Variants in HMG20A observed in about 807,000 individuals in gnomAD.
The protein encoded by HMG20A is high mobility group protein 20A.
A neutral mutation model predicts 43.9 loss-of-function variants in HMG20A; 17 were observed. That is an observed-to-expected ratio of 0.39 (90% CI 0.27 to 0.58). The LOEUF is 0.58. Among genes scored for constraint, HMG20A ranks in the 20% least tolerant of loss-of-function variants. The pLI, the probability that HMG20A is intolerant of heterozygous loss-of-function variation, is 0.59. For synonymous variants in HMG20A, 132 were observed against 147.5 expected (o/e 0.89, Z 0.76); for missense variants, 341 against 438.2 (o/e 0.78, Z 1.98).
intron 1 of HMG20A, among the ~76,000 whole-genome samples, chr15:77,432,630 G>A (rs1209902245): frequency 1.3e-5 from 2 of 150,106 alleles, no homozygotes; most frequent in African/African-American, 2.4e-5. Flanking sequence ...GCTGAGGCAG[G>A]AGAATCACTT....
chr15:77,516,891 C>G, the HMG20A span, among the ~76,000 whole-genome samples: 5 of 152,338 alleles, frequency 3.3e-5, no homozygotes, highest in South Asian at 1.0e-3. Context: ...GGCCAGGTGC[C>G]AGGCAGGGGC....
intron 6 of HMG20A, among the ~76,000 whole-genome samples, chr15:77,476,486 G>GAAAA (rs148901766): frequency 9.8e-5 from 8 of 81,426 alleles, no homozygotes; most frequent in Admixed American, 1.4e-4. Context: ...CTCCCTCTCA[G>GAAAA]AAAAAAAAAA....
At chr15:77,490,038 G>A (rs1246524239), downstream of HMG20A, among the ~76,000 whole-genome samples, 1 of 152,216 alleles carries the variant, frequency 6.6e-6, no homozygotes, top group Non-Finnish European at 1.5e-5. Context: ...CACTTTGAGA[G>A]GTGGGAGTGG....
intron 1 of HMG20A, among the ~76,000 whole-genome samples, chr15:77,439,879 G>A (rs1165304738): frequency 2.0e-5 from 3 of 151,994 alleles, no homozygotes; most frequent in African/African-American, 7.3e-5. Flanking sequence ...CTCCATCCTT[G>A]CTACCACTGT....
intron 1 of HMG20A, among the ~76,000 whole-genome samples, chr15:77,432,154 C>T (rs1383547980): frequency 6.6e-6 from 1 of 152,106 alleles, no homozygotes; most frequent in Admixed American, 6.6e-5. Context: ...TCAGAGAATG[C>T]AACCTTTAAG....
chr15:77,446,901 T>G (rs2073680848), intron 1 of HMG20A, among the ~76,000 whole-genome samples: 1 of 152,210 alleles, frequency 6.6e-6, no homozygotes, highest in African/African-American at 2.4e-5. Context: ...TTGGTTTTGT[T>G]TTTTGTTTTT....
At chr15:77,439,158 G>C (rs2073582984) in intron 1 of HMG20A, among the ~76,000 whole-genome samples, 1 of 152,212 alleles carries the variant, frequency 6.6e-6, no homozygotes, top group African/African-American at 2.4e-5. Context: ...AGTGGAAGTA[G>C]ACATTCCCAA....
intron 1 of HMG20A, among the ~76,000 whole-genome samples, chr15:77,455,444 T>C (rs1459824585): frequency 1.3e-5 from 2 of 150,986 alleles, no homozygotes; most frequent in Non-Finnish European, 3.0e-5. Context: ...TTTCAGTGAG[T>C]GGTTAGTGTT....
chr15:77,461,741 T>C (rs1265661549), intron 2 of HMG20A, among the ~76,000 whole-genome samples: 3 of 152,216 alleles, frequency 2.0e-5, no homozygotes, highest in Admixed American at 2.0e-4. Context: ...ATTCATAGGA[T>C]TGCTACTCTT....
At chr15:77,471,977 A>G (rs1002269869) in intron 6 of HMG20A, among the ~76,000 whole-genome samples, 163 bp downstream of exon 6, 4 of 152,000 alleles carry the variant, frequency 2.6e-5, no homozygotes, top group African/African-American at 9.7e-5. Context: ...AGCATATGGC[A>G]GACACTTACG....
chr15:77,437,100 T>C (rs2073557872), intron 1 of HMG20A, among the ~76,000 whole-genome samples: 3 of 152,216 alleles, frequency 2.0e-5, no homozygotes, highest in South Asian at 4.1e-4. Context: ...AGCTCTCAGG[T>C]TATGTGTTCC....
Position 77,479,262 on chromosome 15 carries a change from A to G in HMG20A, c.991A>G (p.Asn331Asp), listed in dbSNP as rs1358393508. Residue 331 changes from asparagine to aspartate, a missense_variant, in exon 9 of 10, where the codon AAT becomes GAT. Around this residue, in one of 3 missense-constraint regions of HMG20A, gnomAD observed 118 missense variants for 154.5 expected, o/e 0.76. Coordinates refer to ENST00000336216, the MANE Select transcript of HMG20A (RefSeq NM_001304504.2). ...TATTATTTTAGCTAATCCCCAAGAC[A>G]ATGAAAACTTCATAGCTACAGTTCG... Reference protein sequence around the residue: ...HSIILANPQDNENFIATVREV... With the variant: ...HSIILANPQDDENFIATVREV... The G allele has an allele frequency of 6.2e-7, 1 of 1,614,112 alleles. No homozygotes were observed. Among genetic ancestry groups the G allele is most frequent in the East Asian group, 2.2e-5 (1 of 44,864 alleles).
the HMG20A span, among the ~76,000 whole-genome samples, chr15:77,506,143 A>G: frequency 6.8e-6 from 1 of 147,206 alleles, no homozygotes; most frequent in Non-Finnish European, 1.5e-5. Flanking sequence ...TTTCAGATAA[A>G]CAACAAATAA....
downstream of HMG20A, among the ~76,000 whole-genome samples, chr15:77,485,761 G>A (rs1005412184): frequency 2.0e-5 from 3 of 152,056 alleles, no homozygotes; most frequent in South Asian, 2.1e-4. Flanking sequence ...GTGAAACCCC[G>A]TCTCTACTAA....
the HMG20A span, among the ~76,000 whole-genome samples, chr15:77,494,114 C>T: frequency 6.6e-6 from 1 of 150,574 alleles, no homozygotes; most frequent in South Asian, 2.1e-4. Context: ...CTGTTTTATT[C>T]TTTGCCCTAA....
chr15:77,494,537 G>C, the HMG20A span, among the ~76,000 whole-genome samples: 2 of 152,202 alleles, frequency 1.3e-5, no homozygotes, highest in South Asian at 4.1e-4. Context: ...TACCTGTAAA[G>C]ATGTTCAGAA....
intron 1 of HMG20A, among the ~76,000 whole-genome samples, chr15:77,433,338 TA>T (rs56217820): frequency 0.25 from 29,809 of 118,202 alleles, 3,346 homozygotes; most frequent in Middle Eastern, 0.33. Flanking sequence ...ACCCTGTCTC[TA>T]AAAAAAAAAA....
chr15:77,488,286 T>C (rs1189992019), downstream of HMG20A, among the ~76,000 whole-genome samples: 1 of 152,210 alleles, frequency 6.6e-6, no homozygotes, highest in Non-Finnish European at 1.5e-5. Context: ...TACCAACTTC[T>C]CTTCATTTCA....
chr15:77,511,689 T>C, the HMG20A span, among the ~76,000 whole-genome samples: 20 of 152,106 alleles, frequency 1.3e-4, 1 homozygote, highest in South Asian at 3.9e-3. Context: ...ACTAGAGAAA[T>C]GTAAAGCAAA....
Sources: gnomAD v4.1 joint callset for allele counts (sites outside exome capture counted in the v4.1 genomes callset) on GRCh38, gnomAD v4.1.1 for gene constraint, gnomAD v4.1.1 regional missense constraint, MANE v1.5 for transcripts, NCBI Gene and HGNC (gene_info 2026-07-23, HGNC 2026-07-21) for gene names.